The following NECTIN3 variants were observed in gnomAD, a reference collection of about 807,000 sequenced individuals.
NECTIN3 encodes the protein nectin cell adhesion molecule 3.
Under a neutral mutation model 49.4 loss-of-function variants are expected in NECTIN3, and 8 were observed. The observed-to-expected ratio is 0.16, with a 90% CI of 0.10 to 0.29. NECTIN3 has a LOEUF of 0.29. Ranked by LOEUF, NECTIN3 falls within the 10% of genes least tolerant of loss-of-function variation. The pLI, the probability that NECTIN3 is intolerant of heterozygous loss-of-function variation, is 1.00. For synonymous variants in NECTIN3, 277 were observed against 241.1 expected (o/e 1.15, Z -1.38); for missense variants, 581 against 654.6 (o/e 0.89, Z 1.23).
At chr3:111,172,217 C>T (rs2035447028) in intron 7 of NECTIN3, among the ~76,000 whole-genome samples, 2 of 152,122 alleles carry the variant, frequency 1.3e-5, no homozygotes. Flanking sequence ...TAGTGCCTCT[C>T]ATCACCATCA....
intron 7 of NECTIN3, among the ~76,000 whole-genome samples, chr3:111,153,445 TTCA>T (rs1200036885): frequency 2.0e-5 from 3 of 152,004 alleles, no homozygotes; most frequent in Non-Finnish European, 4.4e-5. Context: ...GTTTGATGTC[TTCA>T]TCATATCAAA....
At chr3:111,092,606 T>A (rs2032333403) in intron 1 of NECTIN3, among the ~76,000 whole-genome samples, 1 of 131,308 alleles carries the variant, frequency 7.6e-6, no homozygotes, top group African/African-American at 2.5e-5. Context: ...AATTGATAAA[T>A]GTGATGGTTT....
rs569122927 is a variant in NECTIN3, at chr3:111,109,685, C to A, written c.161-2345C>A. Among the ~76,000 whole-genome samples the A allele has an allele frequency of 6.6e-5, 10 of 152,018 alleles. No homozygotes were observed. The South Asian group carries it at 2.1e-3, about 32-fold the overall frequency. On this transcript the variant is annotated intron_variant, in intron 1 of 5. Coordinates refer to ENST00000485303, the MANE Select transcript of NECTIN3 (RefSeq NM_015480.3). The stretch of plus-strand genomic sequence containing the variant: ...ATATATAGGTCTGTTTGTGTACTTT[C>A]AATTATTTTATGTTCCTAATACCAA...
At chr3:111,077,098 T>C (rs2031256872) in intron 1 of NECTIN3, 1 of 264,518 alleles carries the variant, frequency 3.8e-6, no homozygotes, top group Non-Finnish European at 7.8e-6. Flanking sequence ...CTCCTATGAG[T>C]CTAGATATAG....
At chr3:111,093,548 C>T (rs1370557495) in intron 1 of NECTIN3, among the ~76,000 whole-genome samples, 5 of 151,496 alleles carry the variant, frequency 3.3e-5, no homozygotes, top group Admixed American at 2.0e-4. Context: ...GATTCTCCTA[C>T]CCCAGCCTCC....
intron 2 of NECTIN3, among the ~76,000 whole-genome samples, chr3:111,117,327 A>G (rs974304554): frequency 6.6e-6 from 1 of 152,204 alleles, no homozygotes; most frequent in Middle Eastern, 3.4e-3. Context: ...TTGTAGAACT[A>G]TAATGAAAAA....
chr3:111,128,669 C>G (rs76931416), intron 5 of NECTIN3, among the ~76,000 whole-genome samples: 1,799 of 152,196 alleles, frequency 0.012, 39 homozygotes, highest in African/African-American at 0.041. Flanking sequence ...CTTGATTTTG[C>G]TTTTTCTCTC....
intron 1 of NECTIN3, chr3:111,072,674 C>A: frequency 1.7e-6 from 2 of 1,185,396 alleles, no homozygotes; most frequent in Non-Finnish European, 2.4e-6. Context: ...CCCACCCAGC[C>A]GCAGAATCCC....
intron 1 of NECTIN3, among the ~76,000 whole-genome samples, chr3:111,090,420 A>G (rs2032193985): frequency 6.6e-6 from 1 of 151,966 alleles, no homozygotes; most frequent in South Asian, 2.1e-4. Flanking sequence ...ACTGTTAACT[A>G]CCCTAGAGAT....
intron 5 of NECTIN3, among the ~76,000 whole-genome samples, chr3:111,130,973 T>C (rs1304220144): frequency 6.6e-6 from 1 of 152,116 alleles, no homozygotes; most frequent in Non-Finnish European, 1.5e-5. Flanking sequence ...TGTGCACAGC[T>C]TGAATTTCAG....
chr3:111,071,993 G>A lies in NECTIN3; in HGVS notation c.-25G>A. 5 of 1,414,298 alleles carry A rather than the reference G, an allele frequency of 3.5e-6. No homozygotes were observed. Among genetic ancestry groups the A allele is most frequent in the Non-Finnish European group, 4.6e-6 (5 of 1,075,742 alleles). The allele number at this position is 1,414,298 out of a possible 1,614,324, so 87.6% of individuals were successfully genotyped here. On this transcript the variant is annotated 5_prime_UTR_variant, in exon 1 of 6. Coordinates refer to ENST00000485303, the MANE Select transcript of NECTIN3 (RefSeq NM_015480.3). ...CGGGGGAGCCGGGGGGCGGGCGGGC[G>A]AGCGGGCCGGGGGGAGGGTGGGGGA...
chr3:111,136,277 TAAGA>T lies in NECTIN3; in HGVS notation c.*2065_*2068del, dbSNP rs2034572089. ...TCTGAAGGAAATTAGCAGTGTATTT[TAAGA>T]AATATATTTCAAAAATATAAATACT... On this transcript the variant is annotated 3_prime_UTR_variant, in exon 6 of 6. Transcript: ENST00000485303. 1 of 968,968 alleles carries T rather than the reference TAAGA, an allele frequency of 1.0e-6. No homozygotes were observed. Among genetic ancestry groups the T allele is most frequent in the African/African-American group, 1.8e-5 (1 of 56,892 alleles). The allele number at this position is 968,968 out of a possible 1,614,324, so 60.0% of individuals were successfully genotyped here. A position where few individuals can be genotyped will look rare whatever the true frequency, so the allele number is the denominator to read the frequency against.
At chr3:111,148,043 C>A (rs939654776) in intron 7 of NECTIN3, among the ~76,000 whole-genome samples, 1 of 152,078 alleles carries the variant, frequency 6.6e-6, no homozygotes, top group African/African-American at 2.4e-5. Flanking sequence ...TATTTGAATT[C>A]TTTGATTCTC....
intron 1 of NECTIN3, among the ~76,000 whole-genome samples, chr3:111,090,182 G>A (rs6437946): frequency 0.95 from 144,029 of 152,184 alleles, 68,646 homozygotes; most frequent in Non-Finnish European, 1. Context: ...TAGAAAGTCA[G>A]TCTACTAGGG....
chr3:111,105,246 G>A (rs1289043332), intron 1 of NECTIN3, among the ~76,000 whole-genome samples: 5 of 151,188 alleles, frequency 3.3e-5, no homozygotes, highest in African/African-American at 7.3e-5. Context: ...AGACTCAAGC[G>A]ATACTCCCAC....
chr3:111,167,236 C>A, intron 7 of NECTIN3, among the ~76,000 whole-genome samples: 1 of 152,110 alleles, frequency 6.6e-6, no homozygotes, highest in East Asian at 1.9e-4. Flanking sequence ...GGAAATAGTT[C>A]AAGAATAAAG....
chr3:111,129,912 T>C (rs572578455), intron 5 of NECTIN3, among the ~76,000 whole-genome samples: 1 of 151,716 alleles, frequency 6.6e-6, no homozygotes, highest in East Asian at 2.0e-4. Flanking sequence ...AGGCTCCTAG[T>C]GTGCTAGGAT....
chr3:111,161,526 A>G (rs973860730), intron 7 of NECTIN3, among the ~76,000 whole-genome samples: 1 of 152,200 alleles, frequency 6.6e-6, no homozygotes, highest in African/African-American at 2.4e-5. Flanking sequence ...GCCACACAGC[A>G]GCAGGTGAGC....
intron 4 of NECTIN3, among the ~76,000 whole-genome samples, chr3:111,123,619 G>T (rs1280939035): frequency 6.6e-6 from 1 of 152,074 alleles, no homozygotes; most frequent in Non-Finnish European, 1.5e-5. Flanking sequence ...GTACAGAGTT[G>T]GGAGGAATCT....
Sources: gnomAD v4.1 joint callset for allele counts (sites outside exome capture counted in the v4.1 genomes callset) on GRCh38, gnomAD v4.1.1 for gene constraint, MANE v1.5 for transcripts, NCBI Gene and HGNC (gene_info 2026-07-23, HGNC 2026-07-21) for gene names.